ELAVL3: variants seen among roughly 807,000 people sequenced by gnomAD.
The protein encoded by ELAVL3 is ELAV like RNA binding protein 3, also known as ELAV-like protein 3.
In ELAVL3, 8 loss-of-function variants were observed where a neutral mutation model predicts 34.2. The ratio of observed to expected loss-of-function variants is 0.23; its 90% CI spans 0.14 to 0.42. The LOEUF (loss-of-function observed/expected upper bound fraction) is 0.42, where lower values mean the gene tolerates loss of function less well. Ranked by LOEUF, ELAVL3 falls within the 10% of genes least tolerant of loss-of-function variation. The pLI is 1.00. For missense variants in ELAVL3, 273 were observed against 518.8 expected (o/e 0.53, Z 4.60); for synonymous variants, 209 against 222.1 (o/e 0.94, Z 0.53).
At position 11,454,899 on chromosome 19, in the gene ELAVL3, C is replaced by A; in HGVS notation, c.753-22G>T. On this transcript the variant is annotated intron_variant, in intron 6 of 6. Transcript: ENST00000359227. The surrounding 1 kb of genome is among the most constrained non-coding windows in gnomAD (Gnocchi z 9.2). Reference sequence around the variant, plus strand: ...GGGACTACTTTGGGGGTCACGCGGGCTCTGCCCTGACCCCCCGCATGCTTC... The same window carrying A: ...GGGACTACTTTGGGGGTCACGCGGGATCTGCCCTGACCCCCCGCATGCTTC... The A allele has an allele frequency of 6.4e-7, 1 of 1,574,542 alleles. No homozygotes were observed. The highest frequency in any genetic ancestry group is 8.6e-7 in the Non-Finnish European group (1 of 1,165,038).
chr19:11,460,425 T>C (rs1230472608), intron 3 of ELAVL3, among the ~76,000 whole-genome samples: 2 of 147,314 alleles, frequency 1.4e-5, no homozygotes, highest in Non-Finnish European at 3.0e-5. Context: ...CCCCCTCTGC[T>C]CAGAACCCTC....
In ELAVL3 at chr19:11,465,877, G is replaced by A. The variant is rs576538677; in HGVS notation, c.333+295C>T. 4.6e-5 allele frequency among the ~76,000 whole-genome samples: 7 copies of A among 152,200 alleles called. No homozygotes were observed. The East Asian group carries it at 1.2e-3, about 25-fold the overall frequency. On this transcript the variant is annotated intron_variant, in intron 3 of 6. Transcript: ENST00000359227. Reference sequence around the variant, plus strand: ...CCATGACAAAAGCAGGGAGGGGACTGCTCACAGGACCCTGGTCACTCTGCC... The same window carrying A: ...CCATGACAAAAGCAGGGAGGGGACTACTCACAGGACCCTGGTCACTCTGCC...
At chr19:11,464,638 CACACAT>C (rs1394341651) in intron 3 of ELAVL3, among the ~76,000 whole-genome samples, 2 of 122,726 alleles carry the variant, frequency 1.6e-5, no homozygotes, top group African/African-American at 3.1e-5. Flanking sequence ...CCACACACAC[CACACAT>C]ACACATACAT....
chr19:11,460,424 C>G (rs552326200), intron 3 of ELAVL3, among the ~76,000 whole-genome samples: 1 of 151,626 alleles, frequency 6.6e-6, no homozygotes, highest in Admixed American at 6.6e-5. Context: ...CCCCCCTCTG[C>G]TCAGAACCCT....
At chr19:11,468,604 A>G (rs976059559) in intron 1 of ELAVL3, among the ~76,000 whole-genome samples, 4 of 151,580 alleles carry the variant, frequency 2.6e-5, no homozygotes, top group Non-Finnish European at 4.4e-5. Context: ...TTTTTAGTAG[A>G]GACGGGGTTT....
intron 1 of ELAVL3, among the ~76,000 whole-genome samples, chr19:11,468,200 G>A (rs1459216236): frequency 6.6e-6 from 1 of 152,082 alleles, no homozygotes; most frequent in Non-Finnish European, 1.5e-5. Context: ...TTTGCTTCAT[G>A]CATAAGTTTC....
chr19:11,460,422 T>A (rs1314096870), intron 3 of ELAVL3, among the ~76,000 whole-genome samples: 1 of 147,578 alleles, frequency 6.8e-6, no homozygotes, highest in Non-Finnish European at 1.5e-5. Context: ...ATCCCCCCTC[T>A]GCTCAGAACC....
intron 1 of ELAVL3, among the ~76,000 whole-genome samples, chr19:11,468,579 A>C (rs988885547): frequency 6.6e-6 from 1 of 150,810 alleles, no homozygotes; most frequent in Admixed American, 6.6e-5. Context: ...CACGCCCGCC[A>C]AATTTTTTTG....
chr19:11,457,283 CG>C, intron 5 of ELAVL3, 135 bp from the exon 6 acceptor site: 1 of 979,032 alleles, frequency 1.0e-6, no homozygotes, highest in Non-Finnish European at 1.4e-6. Context: ...GCTCCCCGCC[CG>C]CCCGGCTAGA....
At chr19:11,469,317 G>C (rs1971117791) in intron 1 of ELAVL3, among the ~76,000 whole-genome samples, 1 of 152,074 alleles carries the variant, frequency 6.6e-6, no homozygotes, top group Admixed American at 6.6e-5. Context: ...TTTCGCTCTT[G>C]TTGCCCAGGC....
At chr19:11,479,471 G>C (rs980714914) in intron 1 of ELAVL3, among the ~76,000 whole-genome samples, 1 of 152,136 alleles carries the variant, frequency 6.6e-6, no homozygotes, top group Non-Finnish European at 1.5e-5. Flanking sequence ...GTGGAAGAGG[G>C]AGGCCCAGGC....
At chr19:11,468,732 T>TAAATCAATCTTGATGGGATAAA in intron 1 of ELAVL3, among the ~76,000 whole-genome samples, 1 of 152,110 alleles carries the variant, frequency 6.6e-6, no homozygotes, top group South Asian at 2.1e-4. Flanking sequence ...GGCCCTTTAT[T>TAAATCAATCTTGATGGGATAAA]CCTGCTGTTA....
In ELAVL3 at chr19:11,470,506, G is replaced by A. The variant is rs370884177; in HGVS notation, c.10-3679C>T. On this transcript the variant is annotated intron_variant, in intron 1 of 6. Transcript: ENST00000359227. The stretch of plus-strand genomic sequence containing the variant: ...CATGGAGAAACCCCGTTTGCTACTA[G>A]AAATACAAAAAAAAAAAAAAATTAG... Among the ~76,000 whole-genome samples the A allele has an allele frequency of 3.1e-3, 438 of 141,140 alleles. 4 individuals carry two copies. The highest frequency in any genetic ancestry group is 0.011 in the African/African-American group (411 of 35,898). 92.6% of individuals were successfully genotyped at this position (141,140 alleles called of 152,430 possible). A position where few individuals can be genotyped will look rare whatever the true frequency, so the allele number is the denominator to read the frequency against.
intron 1 of ELAVL3, among the ~76,000 whole-genome samples, chr19:11,478,722 C>T (rs1044848323): frequency 6.6e-6 from 1 of 152,116 alleles, no homozygotes; most frequent in African/African-American, 2.4e-5. Context: ...TCTTTTCCAC[C>T]ATCGCACATA....
chr19:11,462,189 A>AAAG (rs1555732074), intron 3 of ELAVL3, among the ~76,000 whole-genome samples: 1 of 151,810 alleles, frequency 6.6e-6, no homozygotes, highest in African/African-American at 2.4e-5. Context: ...AAAAAAAAAA[A>AAAG]AAAGAAATAA....
intron 3 of ELAVL3, among the ~76,000 whole-genome samples, chr19:11,462,365 G>A (rs1481400264): frequency 6.6e-6 from 1 of 152,054 alleles, no homozygotes; most frequent in Non-Finnish European, 1.5e-5. Flanking sequence ...GGCCAGGCAC[G>A]GTGGCTCACG....
chr19:11,458,433 G>A lies in ELAVL3; in HGVS notation c.487+25C>T. On this transcript the variant is annotated intron_variant, in intron 4 of 6. Coordinates refer to ENST00000359227, the MANE Select transcript of ELAVL3 (RefSeq NM_001420.4). The surrounding 1 kb of genome is among the most constrained non-coding windows in gnomAD (Gnocchi z 7.3). Reference sequence around the variant, plus strand: ...CTGCCTTTGCCCAGCGCCCCCGCCAGGTGCACCCTCCCTGACTGCCTGACC... The same window carrying A: ...CTGCCTTTGCCCAGCGCCCCCGCCAAGTGCACCCTCCCTGACTGCCTGACC... 2 of 1,613,706 alleles carry A rather than the reference G, an allele frequency of 1.2e-6. No individual in the cohort carries two copies. Among genetic ancestry groups the A allele is most frequent in the East Asian group, 2.2e-5 (1 of 44,856 alleles).
intron 1 of ELAVL3, among the ~76,000 whole-genome samples, chr19:11,469,712 A>T (rs986410677): frequency 2.0e-5 from 3 of 152,088 alleles, no homozygotes; most frequent in African/African-American, 7.2e-5. Flanking sequence ...ATTTTTTTAC[A>T]TATATGTTGA....
At chr19:11,470,139 G>C (rs1396740853) in intron 1 of ELAVL3, among the ~76,000 whole-genome samples, 1 of 152,138 alleles carries the variant, frequency 6.6e-6, no homozygotes, top group African/African-American at 2.4e-5. Context: ...AGGATCACTG[G>C]AGGTCAGGAG....
Sources: allele counts gnomAD v4.1 joint callset (sites outside exome capture counted in the v4.1 genomes callset), GRCh38; gene constraint gnomAD v4.1.1; non-coding constraint Gnocchi (gnomAD v3.1); transcripts MANE v1.5; gene names NCBI Gene and HGNC (gene_info 2026-07-23, HGNC 2026-07-21).